PTPRK: variants seen among roughly 807,000 people sequenced by gnomAD.
PTPRK encodes the protein protein tyrosine phosphatase receptor type K.
A neutral mutation model predicts 178.0 loss-of-function variants in PTPRK; 75 were observed. The ratio of observed to expected loss-of-function variants is 0.42; its 90% CI spans 0.35 to 0.51. The LOEUF is 0.51. PTPRK is among the 20% of genes least tolerant of loss of function. PTPRK has a pLI of 0.02. For missense variants in PTPRK, 1,441 were observed against 1,797.8 expected, an observed-to-expected ratio of 0.80 and a Z score of 3.59; for synonymous variants, 637 against 620.6, an observed-to-expected ratio of 1.03 and a Z score of -0.39.
intron 2 of PTPRK, among the ~76,000 whole-genome samples, chr6:128,349,821 A>T (rs1203819424): frequency 6.6e-6 from 1 of 152,126 alleles, no homozygotes; most frequent in Non-Finnish European, 1.5e-5. Flanking sequence ...GATTTGGGCA[A>T]GGTTGCCAAC....
chr6:128,212,537 G>A (rs987573545), intron 6 of PTPRK, among the ~76,000 whole-genome samples: 1 of 152,032 alleles, frequency 6.6e-6, no homozygotes, highest in Non-Finnish European at 1.5e-5. Context: ...CAAACTCCAA[G>A]AGAAGAGAAT....
chr6:128,505,916 G>T (rs969149142), intron 1 of PTPRK, among the ~76,000 whole-genome samples: 1 of 152,150 alleles, frequency 6.6e-6, no homozygotes, highest in East Asian at 1.9e-4. Flanking sequence ...GAGAACAGCA[G>T]CTTGAAAAAG....
intron 22 of PTPRK, 45 bp downstream of exon 22, chr6:127,985,676 A>G: frequency 1.3e-6 from 2 of 1,528,032 alleles, no homozygotes; most frequent in Non-Finnish European, 1.8e-6. Flanking sequence ...ATACTCTAAA[A>G]AAAGCTGATT....
intron 6 of PTPRK, among the ~76,000 whole-genome samples, chr6:128,206,677 T>C (rs1346699685): frequency 1.3e-5 from 2 of 152,150 alleles, no homozygotes; most frequent in Non-Finnish European, 2.9e-5. Flanking sequence ...TATAATACCA[T>C]AGGCACAAAA....
At chr6:128,518,891 GGTA>G in intron 1 of PTPRK, 1 of 437,034 alleles carries the variant, frequency 2.3e-6, no homozygotes, top group South Asian at 1.7e-5. Context: ...ATGGGGCGGG[GGTA>G]GGAGAGCAAT....
intron 1 of PTPRK, among the ~76,000 whole-genome samples, chr6:128,470,084 A>C (rs1056583753): frequency 1.3e-5 from 2 of 152,180 alleles, no homozygotes; most frequent in Non-Finnish European, 2.9e-5. Context: ...AGTATAATAC[A>C]TACTTCAACA....
At chr6:128,493,008 C>A (rs991957577) in intron 1 of PTPRK, among the ~76,000 whole-genome samples, 1 of 152,090 alleles carries the variant, frequency 6.6e-6, no homozygotes, top group Non-Finnish European at 1.5e-5. Context: ...CATGTGCCAC[C>A]AAAATGTAAG....
chr6:128,399,608 C>A (rs1251006894), intron 1 of PTPRK, among the ~76,000 whole-genome samples: 1 of 150,932 alleles, frequency 6.6e-6, no homozygotes, highest in African/African-American at 2.5e-5. Flanking sequence ...CTATCAAACT[C>A]TAAAATAATT....
intron 5 of PTPRK, among the ~76,000 whole-genome samples, chr6:128,238,352 C>CA (rs201208932): frequency 0.04 from 5,612 of 140,356 alleles, 345 homozygotes; most frequent in East Asian, 0.31. Context: ...AGAAAGCAAA[C>CA]AAAAAAAAAA....
chr6:128,156,584 C>T (rs912896418), intron 7 of PTPRK, among the ~76,000 whole-genome samples: 1 of 151,872 alleles, frequency 6.6e-6, no homozygotes, highest in Non-Finnish European at 1.5e-5. Context: ...GAAGTCCACC[C>T]CCATGATTCA....
intron 2 of PTPRK, among the ~76,000 whole-genome samples, chr6:128,375,985 C>T (rs890285804): frequency 2.0e-5 from 3 of 152,160 alleles, no homozygotes; most frequent in African/African-American, 7.2e-5. Context: ...ACCTCTGTGG[C>T]TTTACATGCT....
At chr6:128,061,557 G>A (rs934945052) in intron 13 of PTPRK, among the ~76,000 whole-genome samples, 3 of 151,982 alleles carry the variant, frequency 2.0e-5, no homozygotes, top group African/African-American at 4.8e-5. Context: ...TGGGGGTTGG[G>A]AGGCAGGGGA....
At chr6:128,095,701 G>A (rs1405907488) in intron 7 of PTPRK, among the ~76,000 whole-genome samples, 1 of 152,136 alleles carries the variant, frequency 6.6e-6, no homozygotes, top group African/African-American at 2.4e-5. Flanking sequence ...TCAGGGGCTA[G>A]GGGGAGTGCA....
In PTPRK at chr6:128,451,655, A is replaced by T. The variant is rs1023493748; in HGVS notation, c.101-53967T>A. 3.3e-5 allele frequency among the ~76,000 whole-genome samples: 5 copies of T among 152,194 alleles called. No individual in the cohort carries two copies. In the South Asian group the frequency reaches 1.0e-3, roughly 32 times the overall value. The stretch of plus-strand genomic sequence containing the variant: ...TGTTTGTTGTTTATTTTGGAAATGT[A>T]GGGGTTTTATTTCCTGCAAAAATAC... On this transcript the variant is annotated intron_variant, in intron 1 of 29. Transcript: ENST00000368226.
chr6:127,971,274 T>A (rs1222280873), intron 29 of PTPRK, among the ~76,000 whole-genome samples: 1 of 152,202 alleles, frequency 6.6e-6, no homozygotes, highest in Non-Finnish European at 1.5e-5. Flanking sequence ...GCAATTCATT[T>A]AAAAATTCCC....
At position 128,163,681 on chromosome 6, in the gene PTPRK, T is replaced by A. The variant is rs866432628; in HGVS notation, c.1162+20751A>T. On this transcript the variant is annotated intron_variant, in intron 7 of 29. Coordinates refer to ENST00000368226, the MANE Select transcript of PTPRK (RefSeq NM_002844.4). ...ATGCTTAAAATAAAATGCAGAGAAT[T>A]CCAACAGAAACTATAATACATAACT... Among the ~76,000 whole-genome samples the A allele has an allele frequency of 6.6e-5, 10 of 151,566 alleles. No homozygotes were observed. In the South Asian group the frequency reaches 1.2e-3, roughly 19 times the overall value.
In PTPRK at chr6:127,969,500, A is replaced by C. The variant is rs1387134377; in HGVS notation, c.*727T>G. 2.0e-5 allele frequency: 3 copies of C among 152,138 alleles called. No homozygotes were observed. The highest frequency in any genetic ancestry group is 4.4e-5 in the Non-Finnish European group (3 of 68,014). The allele number at this position is 152,138 out of a possible 1,614,324, so 9.4% of individuals were successfully genotyped here. A position where few individuals can be genotyped will look rare whatever the true frequency, so the allele number is the denominator to read the frequency against. On this transcript the variant is annotated 3_prime_UTR_variant, in exon 30 of 30. Coordinates refer to ENST00000368226, the MANE Select transcript of PTPRK (RefSeq NM_002844.4). ...AAACATACAAAAAATAATCTACAAA[A>C]ATCGTTTACAATTGATTTTAGCTAA...
intron 1 of PTPRK, among the ~76,000 whole-genome samples, chr6:128,400,649 T>C (rs912204017): frequency 6.6e-6 from 1 of 152,120 alleles, no homozygotes; most frequent in African/African-American, 2.4e-5. Flanking sequence ...GCATAATATA[T>C]CCTGAACTAA....
At chr6:127,982,187 A>G (rs1322068014) in intron 24 of PTPRK, among the ~76,000 whole-genome samples, 1 of 152,218 alleles carries the variant, frequency 6.6e-6, no homozygotes, top group East Asian at 1.9e-4. Flanking sequence ...TGAGTGACCC[A>G]GGTCAAAATC....
Sources: gnomAD v4.1 joint callset for allele counts (sites outside exome capture counted in the v4.1 genomes callset) on GRCh38, gnomAD v4.1.1 for gene constraint, MANE v1.5 for transcripts, NCBI Gene and HGNC (gene_info 2026-07-23, HGNC 2026-07-21) for gene names.